MAGI2: variants seen among roughly 807,000 people sequenced by gnomAD.
MAGI2 encodes membrane-associated guanylate kinase, WW and PDZ domain-containing protein 2.
Under a neutral mutation model 133.3 loss-of-function variants are expected in MAGI2, and 35 were observed. The ratio of observed to expected loss-of-function variants is 0.26; its 90% CI spans 0.20 to 0.35. The LOEUF is 0.35. Among genes scored for constraint, MAGI2 ranks in the 10% least tolerant of loss-of-function variants. The probability of loss-of-function intolerance (pLI) is 1.00; values close to 1 mark genes in which losing one functional copy is unlikely to be tolerated. For missense variants in MAGI2, 1,636 were observed against 1,863.4 expected (o/e 0.88, Z 2.25); for synonymous variants, 729 against 710.6 (o/e 1.03, Z -0.41).
At chr7:78,058,832 A>G (rs1477429697) in intron 21 of MAGI2, among the ~76,000 whole-genome samples, 2 of 152,166 alleles carry the variant, frequency 1.3e-5, no homozygotes, top group Non-Finnish European at 2.9e-5. Flanking sequence ...TAATTCTTGA[A>G]AGGTTGCACA....
rs75738691 is a variant in MAGI2 at position 78,765,947 on chromosome 7, A to T, written c.419-138708T>A. On this transcript the variant is annotated intron_variant, in intron 2 of 21. Transcript: ENST00000354212. ...CCAGCAGAGGCACCAGCATGTGCTA[A>T]GGTCCTGAGAGGGAAGGAAATATGA... 5.3e-3 allele frequency among the ~76,000 whole-genome samples: 812 copies of T among 152,344 alleles called. 13 individuals are homozygous for T. Among genetic ancestry groups the T allele is most frequent in the African/African-American group, 0.019 (776 of 41,594 alleles).
At chr7:78,626,051 G>A (rs534052247) in intron 3 of MAGI2, among the ~76,000 whole-genome samples, 5 of 152,272 alleles carry the variant, frequency 3.3e-5, no homozygotes, top group African/African-American at 9.6e-5. Flanking sequence ...AACTGTTAAC[G>A]TGGCAAACCC....
At position 79,272,773 on chromosome 7, in the gene MAGI2, G is replaced by A. The variant is rs140206360; in HGVS notation, c.301+180247C>T. 5.7e-3 allele frequency among the ~76,000 whole-genome samples: 869 copies of A among 152,100 alleles called. 6 individuals carry two copies. The highest frequency in any genetic ancestry group is 0.02 in the African/African-American group (824 of 41,532). On this transcript the variant is annotated intron_variant, in intron 1 of 21. Coordinates refer to ENST00000354212, the MANE Select transcript of MAGI2 (RefSeq NM_012301.4). Reference sequence around the variant, plus strand: ...CTCTATGACTTAAACAAAACATAGAGTTTTAGTTCAGACAAATGATCTAGT... The same window carrying A: ...CTCTATGACTTAAACAAAACATAGAATTTTAGTTCAGACAAATGATCTAGT...
At chr7:78,402,232 ATG>A (rs1488369575) in intron 6 of MAGI2, among the ~76,000 whole-genome samples, 1 of 141,040 alleles carries the variant, frequency 7.1e-6, no homozygotes, top group East Asian at 2.1e-4. Flanking sequence ...TGAGGTGTGT[ATG>A]TGTGTCTGCC....
At chr7:79,125,303 A>C (rs1820308915) in intron 1 of MAGI2, 1 of 460,864 alleles carries the variant, frequency 2.2e-6, no homozygotes, top group South Asian at 1.7e-5. Flanking sequence ...CTAGTGCTTC[A>C]TCTAGCCAGA....
intron 21 of MAGI2, among the ~76,000 whole-genome samples, chr7:78,028,411 C>T (rs1809177674): frequency 6.6e-6 from 1 of 152,294 alleles, no homozygotes; most frequent in African/African-American, 2.4e-5. Flanking sequence ...TTTTAGCTAC[C>T]TCTATGGCCA....
intron 7 of MAGI2, among the ~76,000 whole-genome samples, chr7:78,352,552 T>C (rs1791628157): frequency 6.6e-6 from 1 of 152,196 alleles, no homozygotes; most frequent in Non-Finnish European, 1.5e-5. Flanking sequence ...GTCAGTTTGC[T>C]TTGTGAATGT....
intron 1 of MAGI2, among the ~76,000 whole-genome samples, chr7:79,085,652 T>G (rs572834201): frequency 6.6e-6 from 1 of 152,050 alleles, no homozygotes; most frequent in African/African-American, 2.4e-5. Flanking sequence ...TCTTGTTTGG[T>G]GTTGTTGTTA....
rs554824621 is a variant in MAGI2 at position 78,521,331 on chromosome 7, A to G, written c.754+99T>C. ...TATATATGTATATATTTATCTTACT[A>G]TGTATCTGTATATATATCTTACTGT... is the stretch of plus-strand genomic sequence containing the variant. On this transcript the variant is annotated intron_variant, in intron 4 of 21. Transcript: ENST00000354212. The G allele has an allele frequency of 4.8e-4, 356 of 736,080 alleles. 4 individuals carry two copies. In the East Asian group the frequency reaches 7.1e-3, roughly 15 times the overall value. 45.6% of individuals were successfully genotyped at this position (736,080 alleles called of 1,614,324 possible). A position where few individuals can be genotyped will look rare whatever the true frequency, so the allele number is the denominator to read the frequency against.
intron 2 of MAGI2, among the ~76,000 whole-genome samples, chr7:78,686,491 C>T (rs1200172989): frequency 1.3e-5 from 2 of 149,506 alleles, no homozygotes; most frequent in Admixed American, 1.3e-4. Context: ...CATGCAGTTA[C>T]ATGTGTTTTC....
chr7:78,921,540 G>T (rs1799222481), intron 2 of MAGI2, among the ~76,000 whole-genome samples: 1 of 151,994 alleles, frequency 6.6e-6, no homozygotes, highest in African/African-American at 2.4e-5. Context: ...TCAATAAAAT[G>T]CTTCCAGATT....
chr7:78,574,019 T>C (rs1202689129), intron 3 of MAGI2, among the ~76,000 whole-genome samples: 1 of 152,180 alleles, frequency 6.6e-6, no homozygotes, highest in Non-Finnish European at 1.5e-5. Context: ...CATTGATATT[T>C]CTCCAATTTC....
intron 10 of MAGI2, among the ~76,000 whole-genome samples, chr7:78,227,334 A>G (rs1227163211): frequency 6.6e-6 from 1 of 152,208 alleles, no homozygotes; most frequent in Non-Finnish European, 1.5e-5. Flanking sequence ...TCAAGGCCCT[A>G]CCGGAGGATC....
intron 6 of MAGI2, among the ~76,000 whole-genome samples, chr7:78,414,728 G>A (rs1222425335): frequency 1.3e-5 from 2 of 151,976 alleles, no homozygotes; most frequent in Non-Finnish European, 2.9e-5. Context: ...TATGGAAATG[G>A]GGCAGACCCA....
chr7:78,934,373 A>G (rs1380155456), intron 2 of MAGI2, among the ~76,000 whole-genome samples: 2 of 152,134 alleles, frequency 1.3e-5, no homozygotes, highest in African/African-American at 2.4e-5. Context: ...CAAAGTGCTA[A>G]GATTTCAGGC....
At chr7:78,469,973 T>C (rs1011209677) in intron 6 of MAGI2, among the ~76,000 whole-genome samples, 2 of 152,152 alleles carry the variant, frequency 1.3e-5, no homozygotes, top group African/African-American at 4.8e-5. Flanking sequence ...GCAGAATATA[T>C]AAAATGTGGC....
intron 6 of MAGI2, among the ~76,000 whole-genome samples, chr7:78,448,064 C>T (rs1421965636): frequency 6.6e-6 from 1 of 152,048 alleles, no homozygotes; most frequent in Non-Finnish European, 1.5e-5. Context: ...ACATAATGCC[C>T]TCCAGTTCAT....
chr7:78,374,069 C>A (rs891558623), intron 6 of MAGI2, among the ~76,000 whole-genome samples: 2 of 152,074 alleles, frequency 1.3e-5, no homozygotes, highest in Non-Finnish European at 2.9e-5. Context: ...TATGTGAGTG[C>A]GTGTGTCTTT....
intron 1 of MAGI2, among the ~76,000 whole-genome samples, chr7:79,187,285 C>A (rs1827254556): frequency 6.6e-6 from 1 of 151,508 alleles, no homozygotes; most frequent in South Asian, 2.1e-4. Flanking sequence ...TTCAATAAAG[C>A]AAAAGTTATA....
Sources: allele counts gnomAD v4.1 joint callset (sites outside exome capture counted in the v4.1 genomes callset), GRCh38; gene constraint gnomAD v4.1.1; transcripts MANE v1.5; gene names NCBI Gene and HGNC (gene_info 2026-07-23, HGNC 2026-07-21).